ANKRD29: variants seen among roughly 807,000 people sequenced by gnomAD.
The protein encoded by ANKRD29 is ankyrin repeat domain-containing protein 29.
ANKRD29 carries 32 observed loss-of-function variants against 38.0 expected under a neutral mutation model. The ratio of observed to expected loss-of-function variants is 0.84; its 90% confidence interval spans 0.64 to 1.13. ANKRD29 has a LOEUF of 1.13. Ranked by LOEUF, ANKRD29 falls within the 50% of genes most tolerant of loss-of-function variation. The pLI is 0.00. For missense variants in ANKRD29, 357 were observed against 377.9 expected (o/e 0.94, Z 0.46); for synonymous variants, 135 against 152.4 (o/e 0.89, Z 0.84).
rs2059491608 is a variant in ANKRD29, at chr18:23,599,767, C to T, written c.*1459G>A. On this transcript the variant is annotated 3_prime_UTR_variant, in exon 10 of 10. Transcript: ENST00000592179. Reference sequence around the variant, plus strand: ...GTGGGGCCTGTGAGTTGCTCATTTGCTTGAGACATTTATCAAAATATGCTG... The same window carrying T: ...GTGGGGCCTGTGAGTTGCTCATTTGTTTGAGACATTTATCAAAATATGCTG... 1 of 152,176 alleles carries T rather than the reference C, an allele frequency of 6.6e-6. No individual in the cohort carries two copies. The highest frequency in any genetic ancestry group is 2.1e-4 in the South Asian group (1 of 4,820). 9.4% of individuals were successfully genotyped at this position (152,176 alleles called of 1,614,324 possible). A position where few individuals can be genotyped will look rare whatever the true frequency, so the allele number is the denominator to read the frequency against.
chr18:23,647,478 C>T (rs530613322), intron 2 of ANKRD29: 4 of 151,952 alleles, frequency 2.6e-5, no homozygotes, highest in African/African-American at 7.2e-5. Flanking sequence ...GGTAAAGTAA[C>T]GAAGTAACGA....
intron 8 of ANKRD29, among the ~76,000 whole-genome samples, chr18:23,616,940 C>A (rs2059731042): frequency 6.6e-6 from 1 of 151,654 alleles, no homozygotes; most frequent in East Asian, 1.9e-4. Flanking sequence ...AAATTTAGGC[C>A]AGATAGGGTG....
At chr18:23,618,769 G>A (rs1390561555) in intron 7 of ANKRD29, 2 of 140,550 alleles carry the variant, frequency 1.4e-5, no homozygotes, top group Admixed American at 1.6e-4. Flanking sequence ...AAACCACTTC[G>A]GCCTGCCATT....
intron 9 of ANKRD29, among the ~76,000 whole-genome samples, chr18:23,604,376 C>G (rs1234102810): frequency 6.6e-6 from 1 of 152,142 alleles, no homozygotes; most frequent in African/African-American, 2.4e-5. Context: ...GACTATGACT[C>G]CTGTCCCTGT....
chr18:23,603,129 C>T lies in ANKRD29; in HGVS notation c.823-1820G>A, dbSNP rs944769065. Among the ~76,000 whole-genome samples, 3 of 152,166 alleles carry T rather than the reference C, an allele frequency of 2.0e-5. 1 individual carries two copies. The highest frequency in any genetic ancestry group is 4.1e-4 in the South Asian group (2 of 4,824). ...TGCTGTGGATATTATTCTCTGATGC[C>T]ACATCAATACTCAACAAATGGTAGT... On this transcript the variant is annotated intron_variant, in intron 9 of 9. Coordinates refer to ENST00000592179, the MANE Select transcript of ANKRD29 (RefSeq NM_173505.4).
intron 8 of ANKRD29, among the ~76,000 whole-genome samples, chr18:23,613,099 T>C (rs1433106799): frequency 6.6e-6 from 1 of 152,028 alleles, no homozygotes; most frequent in African/African-American, 2.4e-5. Context: ...ACTACTCTTG[T>C]AACAATTTAC....
chr18:23,622,369 TC>T (rs1040292399), intron 6 of ANKRD29, among the ~76,000 whole-genome samples: 6 of 152,024 alleles, frequency 3.9e-5, no homozygotes, highest in Admixed American at 1.3e-4. Context: ...AATGCGCTTC[TC>T]CCTCCGTGCC....
intron 1 of ANKRD29, among the ~76,000 whole-genome samples, chr18:23,662,353 G>C (rs944542195): frequency 6.6e-6 from 1 of 152,140 alleles, no homozygotes. Context: ...GAGGGTCAGG[G>C]TCGGGGACTC....
At chr18:23,627,635 CT>C in intron 6 of ANKRD29, among the ~76,000 whole-genome samples, 1 of 152,180 alleles carries the variant, frequency 6.6e-6, no homozygotes, top group East Asian at 1.9e-4. Context: ...ACAAGCAGTA[CT>C]TTAGGCATAT....
chr18:23,612,338 C>A, intron 8 of ANKRD29, 148 bp from the exon 9 acceptor site: 1 of 639,274 alleles, frequency 1.6e-6, no homozygotes, highest in Non-Finnish European at 2.7e-6. Flanking sequence ...AAAGTCACAT[C>A]AGCCCCTAGT....
rs1438257047 is a variant in ANKRD29, at chr18:23,599,751, G to A, written c.*1475C>T. 1 of 152,202 alleles carries A rather than the reference G, an allele frequency of 6.6e-6. No homozygotes were observed. The highest frequency in any genetic ancestry group is 1.5e-5 in the Non-Finnish European group (1 of 68,028). The allele number at this position is 152,202 out of a possible 1,614,324, so 9.4% of individuals were successfully genotyped here. ...CAGGCTGTAGGCACCTGTGGGGCCT[G>A]TGAGTTGCTCATTTGCTTGAGACAT... On this transcript the variant is annotated 3_prime_UTR_variant, in exon 10 of 10. Coordinates refer to ENST00000592179, the MANE Select transcript of ANKRD29 (RefSeq NM_173505.4).
intron 9 of ANKRD29, among the ~76,000 whole-genome samples, chr18:23,607,052 A>G (rs1451461730): frequency 1.3e-5 from 2 of 152,110 alleles, no homozygotes; most frequent in Non-Finnish European, 2.9e-5. Context: ...TGCAGTCCCC[A>G]TCTTCTAGCT....
At chr18:23,625,912 TC>T (rs1244067391) in intron 6 of ANKRD29, among the ~76,000 whole-genome samples, 7 of 152,284 alleles carry the variant, frequency 4.6e-5, no homozygotes, top group Middle Eastern at 3.4e-3. Flanking sequence ...TCTGGAGCCT[TC>T]TTCTAACTCT....
chr18:23,662,901 A>C lies in ANKRD29; in HGVS notation c.-171T>G, dbSNP rs1377275712. 4 of 422,994 alleles carry C rather than the reference A, an allele frequency of 9.5e-6. No homozygotes were observed. Among genetic ancestry groups the C allele is most frequent in the Admixed American group, 6.4e-5 (1 of 15,676 alleles). The allele number at this position is 422,994 out of a possible 1,614,324, so 26.2% of individuals were successfully genotyped here. On this transcript the variant is annotated 5_prime_UTR_variant, in exon 1 of 10. Coordinates refer to ENST00000592179, the MANE Select transcript of ANKRD29 (RefSeq NM_173505.4). ...GCCGCCGCACACAGGGCCGGGCCGAAGGGGCGGCGCGGGGGCGCGCGCGCG... is the reference window on the plus strand; with the variant it reads ...GCCGCCGCACACAGGGCCGGGCCGACGGGGCGGCGCGGGGGCGCGCGCGCG...
chr18:23,654,238 C>G (rs899182426), intron 1 of ANKRD29, among the ~76,000 whole-genome samples: 1 of 151,380 alleles, frequency 6.6e-6, no homozygotes, highest in Non-Finnish European at 1.5e-5. Context: ...TGCACTCCAG[C>G]CTGGTGACAG....
chr18:23,621,227 C>G (rs1469746563), intron 6 of ANKRD29, among the ~76,000 whole-genome samples: 4 of 152,200 alleles, frequency 2.6e-5, no homozygotes, highest in African/African-American at 7.2e-5. Flanking sequence ...GGCTGAAGAG[C>G]AAAATGATTC....
chr18:23,634,024 C>T (rs878958119), intron 5 of ANKRD29, 27 bp downstream of exon 5: 3 of 1,608,760 alleles, frequency 1.9e-6, no homozygotes, highest in South Asian at 2.2e-5. Context: ...TGAGAAATGT[C>T]CTAATGTCCC....
intron 1 of ANKRD29, among the ~76,000 whole-genome samples, chr18:23,654,346 C>T (rs866542986): frequency 9.9e-5 from 15 of 151,366 alleles, no homozygotes; most frequent in Non-Finnish European, 2.2e-4. Context: ...GGACTGGACA[C>T]GGTGGCTCAC....
chr18:23,602,102 C>G (rs1200491842), intron 9 of ANKRD29, among the ~76,000 whole-genome samples: 1 of 151,338 alleles, frequency 6.6e-6, no homozygotes, highest in Non-Finnish European at 1.5e-5. Context: ...AGTGGTGTGA[C>G]CTCGGCTCAC....
Sources: allele counts gnomAD v4.1 joint callset (sites outside exome capture counted in the v4.1 genomes callset), GRCh38; gene constraint gnomAD v4.1.1; transcripts MANE v1.5; gene names NCBI Gene and HGNC (gene_info 2026-07-23, HGNC 2026-07-21).